GRID1: variants seen among roughly 807,000 people sequenced by gnomAD.
The protein encoded by GRID1 is glutamate receptor ionotropic, delta-1.
A neutral mutation model predicts 98.0 loss-of-function variants in GRID1; 28 were observed. That is an observed-to-expected ratio of 0.29 (90% CI 0.21 to 0.39). The LOEUF is 0.39. Among genes scored for constraint, GRID1 ranks in the 10% least tolerant of loss-of-function variants. The pLI, the probability that GRID1 is intolerant of heterozygous loss-of-function variation, is 1.00. For missense variants in GRID1, 1,111 were observed against 1,340.5 expected, an observed-to-expected ratio of 0.83 and a Z score of 2.67; for synonymous variants, 553 against 538.5, an observed-to-expected ratio of 1.03 and a Z score of -0.37.
At chr10:86,145,077 A>G (rs1383423065) in intron 3 of GRID1, among the ~76,000 whole-genome samples, 1 of 152,230 alleles carries the variant, frequency 6.6e-6, no homozygotes, top group Non-Finnish European at 1.5e-5. Context: ...CCTTCAACAA[A>G]TAACACAATT....
chr10:85,872,740 A>G (rs1365864965), intron 5 of GRID1, among the ~76,000 whole-genome samples: 2 of 152,110 alleles, frequency 1.3e-5, no homozygotes, highest in African/African-American at 4.8e-5. Flanking sequence ...TTTCCAACCC[A>G]TTAGCTGCCA....
At chr10:85,737,369 C>T (rs1841893250) in intron 8 of GRID1, among the ~76,000 whole-genome samples, 1 of 151,854 alleles carries the variant, frequency 6.6e-6, no homozygotes, top group South Asian at 2.1e-4. Flanking sequence ...GAGAGAAAGG[C>T]AATGAAAACC....
intron 5 of GRID1, among the ~76,000 whole-genome samples, chr10:85,915,478 CACAT>C (rs1775772223): frequency 6.6e-6 from 1 of 151,952 alleles, no homozygotes; most frequent in Admixed American, 6.5e-5. Flanking sequence ...CACAATCACA[CACAT>C]ATTCACACAT....
At chr10:85,954,561 A>G (rs1409028509) in intron 4 of GRID1, among the ~76,000 whole-genome samples, 1 of 152,228 alleles carries the variant, frequency 6.6e-6, no homozygotes, top group African/African-American at 2.4e-5. Context: ...TAAAAGGGCC[A>G]AAGATAGATG....
At chr10:85,629,909 G>A (rs1842956823) in intron 13 of GRID1, among the ~76,000 whole-genome samples, 1 of 152,136 alleles carries the variant, frequency 6.6e-6, no homozygotes, top group Admixed American at 6.6e-5. Context: ...CATTCTGACT[G>A]GTGTAAGTGA....
intron 2 of GRID1, among the ~76,000 whole-genome samples, chr10:86,213,235 C>T (rs553020338): frequency 2.6e-5 from 4 of 152,142 alleles, no homozygotes; most frequent in Admixed American, 6.5e-5. Context: ...AACCTGCCCA[C>T]GCTCCTCCAC....
intron 3 of GRID1, among the ~76,000 whole-genome samples, chr10:86,160,479 C>T (rs1386695356): frequency 2.0e-5 from 3 of 152,210 alleles, no homozygotes; most frequent in Non-Finnish European, 4.4e-5. Flanking sequence ...TCACTATGTA[C>T]TTTCTGGCAT....
intron 4 of GRID1, among the ~76,000 whole-genome samples, chr10:85,995,426 A>C (rs967440478): frequency 1.2e-4 from 19 of 152,188 alleles, no homozygotes; most frequent in Non-Finnish European, 2.5e-4. Flanking sequence ...ACCCCCACTC[A>C]CATGACTCCA....
intron 3 of GRID1, among the ~76,000 whole-genome samples, chr10:86,145,346 C>T (rs1024225727): frequency 5.3e-5 from 8 of 152,116 alleles, no homozygotes; most frequent in Admixed American, 1.3e-4. Context: ...CCTCAGCCTC[C>T]GGAGTAGCTG....
At chr10:85,676,610 C>T (rs577499655) in intron 12 of GRID1, among the ~76,000 whole-genome samples, 1 of 152,178 alleles carries the variant, frequency 6.6e-6, no homozygotes, top group Non-Finnish European at 1.5e-5. Context: ...GGAGACGCAG[C>T]TTCCAATGAG....
intron 12 of GRID1, among the ~76,000 whole-genome samples, chr10:85,658,257 C>T (rs975771004): frequency 6.6e-6 from 1 of 152,170 alleles, no homozygotes; most frequent in African/African-American, 2.4e-5. Flanking sequence ...CTGTCTGAAC[C>T]CTCTAGTGTG....
chr10:86,266,099 C>A (rs934547623), intron 2 of GRID1, among the ~76,000 whole-genome samples: 4 of 152,072 alleles, frequency 2.6e-5, no homozygotes, highest in Non-Finnish European at 4.4e-5. Flanking sequence ...TTGAAGCCAC[C>A]CTGCTGGGGT....
At position 85,602,784 on chromosome 10, in the gene GRID1, C is replaced by T. The variant is rs1390029616; in HGVS notation, c.2602-83G>A. 4.0e-6 allele frequency: 4 copies of T among 1,009,654 alleles called. 1 individual carries two copies. The highest frequency in any genetic ancestry group is 5.2e-5 in the East Asian group (2 of 38,732). 62.5% of individuals were successfully genotyped at this position (1,009,654 alleles called of 1,614,324 possible). A position where few individuals can be genotyped will look rare whatever the true frequency, so the allele number is the denominator to read the frequency against. ...TGCTACAGCTCTGGATGTCTGTAGT[C>T]ACCAGGCCTGGTCAGCCTGTTGGGC... On this transcript the variant is annotated intron_variant, in intron 15 of 15. Transcript: ENST00000327946.
chr10:86,137,064 G>A (rs1844937906), intron 4 of GRID1, among the ~76,000 whole-genome samples: 1 of 152,076 alleles, frequency 6.6e-6, no homozygotes, highest in African/African-American at 2.4e-5. Context: ...GACAAAGCAA[G>A]CCCAGCGAAT....
At chr10:86,334,825 C>T (rs1848201359) in intron 2 of GRID1, among the ~76,000 whole-genome samples, 1 of 152,242 alleles carries the variant, frequency 6.6e-6, no homozygotes, top group South Asian at 2.1e-4. Context: ...CTCCCACAGC[C>T]TCAGTCCCTC....
rs114013324 is a variant in GRID1, at chr10:85,642,473, T to G, written c.2193+4729A>C. On this transcript the variant is annotated intron_variant, in intron 13 of 15. Coordinates refer to ENST00000327946, the MANE Select transcript of GRID1 (RefSeq NM_017551.3). ...GCTATTTCTCTTGTCCCTTCCACCA[T>G]GAAATCTAAAGGGGGTAACCTGCTA... Among the ~76,000 whole-genome samples the G allele has an allele frequency of 2.6e-3, 401 of 152,316 alleles. 4 individuals carry two copies. Among genetic ancestry groups the G allele is most frequent in the African/African-American group, 9.1e-3 (380 of 41,574 alleles).
At chr10:85,710,889 A>C (rs1841574717) in intron 12 of GRID1, among the ~76,000 whole-genome samples, 1 of 152,072 alleles carries the variant, frequency 6.6e-6, no homozygotes, top group Non-Finnish European at 1.5e-5. Context: ...TGGAAATGCA[A>C]ACCATAACCA....
intron 5 of GRID1, among the ~76,000 whole-genome samples, chr10:85,883,370 G>A (rs111333357): frequency 0.028 from 4,200 of 152,000 alleles, 79 homozygotes; most frequent in South Asian, 0.075. Flanking sequence ...AATATTCTAC[G>A]TCAGATACTT....
chr10:86,183,339 ATTAT>A (rs58071795), intron 3 of GRID1, among the ~76,000 whole-genome samples: 5,457 of 149,710 alleles, frequency 0.036, 135 homozygotes, highest in African/African-American at 0.06. Context: ...ATATACCACA[ATTAT>A]TTATTTATTT....
Sources: gnomAD v4.1 joint callset for allele counts (sites outside exome capture counted in the v4.1 genomes callset) on GRCh38, gnomAD v4.1.1 for gene constraint, MANE v1.5 for transcripts, NCBI Gene and HGNC (gene_info 2026-07-23, HGNC 2026-07-21) for gene names.